The following NRXN2 variants were observed in gnomAD, a reference collection of about 807,000 sequenced individuals.
The protein encoded by NRXN2 is neurexin 2.
A neutral mutation model predicts 128.8 loss-of-function variants in NRXN2; 29 were observed. That is an observed-to-expected ratio of 0.23 (90% CI 0.17 to 0.31). NRXN2 has a LOEUF of 0.31. Among genes scored for constraint, NRXN2 ranks in the 10% least tolerant of loss-of-function variants. NRXN2 has a pLI of 1.00. For missense variants in NRXN2, 1,881 were observed against 2,452.6 expected (o/e 0.77, Z 4.92); for synonymous variants, 1,098 against 1,075.2 (o/e 1.02, Z -0.41).
intron 9 of NRXN2, among the ~76,000 whole-genome samples, chr11:64,662,305 A>AGAG (rs940996023): frequency 1.3e-5 from 2 of 151,854 alleles, no homozygotes; most frequent in East Asian, 1.9e-4. Flanking sequence ...AAGAAAAGGA[A>AGAG]GAGGAGGAGG....
intron 17 of NRXN2, chr11:64,643,316 GC>G: frequency 3.1e-6 from 3 of 973,660 alleles, no homozygotes; most frequent in Non-Finnish European, 3.6e-6. Flanking sequence ...CGCTGCTGCC[GC>G]TGCCGCCCGA....
chr11:64,632,623 C>T lies in NRXN2; in HGVS notation c.3586-2050G>A, dbSNP rs1419973410. 1.3e-5 allele frequency among the ~76,000 whole-genome samples: 2 copies of T among 152,134 alleles called. No individual in the cohort carries two copies. The highest frequency in any genetic ancestry group is 4.8e-5 in the African/African-American group (2 of 41,404). On this transcript the variant is annotated intron_variant, in intron 18 of 22. Coordinates refer to ENST00000265459, the MANE Select transcript of NRXN2 (RefSeq NM_015080.4). The surrounding 1 kb of genome is among the most constrained non-coding windows in gnomAD (Gnocchi z 4.2). ...TCTGAGAGCCAGGCTGGCAGAGTGC[C>T]GGCCAGGGAGCTGGGAGGCAGGACA... is the stretch of plus-strand genomic sequence containing the variant.
intron 1 of NRXN2, among the ~76,000 whole-genome samples, chr11:64,719,106 A>C (rs80144026): frequency 6.6e-6 from 1 of 152,086 alleles, no homozygotes; most frequent in African/African-American, 2.4e-5. Context: ...CTAACGTGTG[A>C]AAAAAAAGTG....
intron 3 of NRXN2, among the ~76,000 whole-genome samples, chr11:64,695,072 C>T (rs2054317463): frequency 6.6e-6 from 1 of 152,188 alleles, no homozygotes; most frequent in Non-Finnish European, 1.5e-5. Context: ...GAAGGGGAGG[C>T]TGGTTCCCTT....
intron 9 of NRXN2, among the ~76,000 whole-genome samples, chr11:64,664,473 C>T (rs1464707284): frequency 7.8e-6 from 1 of 127,722 alleles, no homozygotes; most frequent in African/African-American, 3.5e-5. Context: ...AGCGAAACTC[C>T]GTGTCAAAAA....
intron 17 of NRXN2, among the ~76,000 whole-genome samples, chr11:64,646,178 CCCACCTTGTCTTAGCT>C (rs1470319905): frequency 6.6e-6 from 1 of 152,156 alleles, no homozygotes; most frequent in Admixed American, 6.5e-5. Context: ...CCAGGTTGCA[CCCACCTTGTCTTAGCT>C]CCACAGCTTT....
Position 64,660,642 on chromosome 11 carries a change from G to T in NRXN2, c.2186-107C>A. 1.3e-6 allele frequency: 2 copies of T among 1,589,774 alleles called. No homozygotes were observed. The highest frequency in any genetic ancestry group is 1.7e-6 in the Non-Finnish European group (2 of 1,166,888). On this transcript the variant is annotated intron_variant, in intron 10 of 22. Transcript: ENST00000265459. The surrounding 1 kb of genome is among the most constrained non-coding windows in gnomAD (Gnocchi z 5.2). ...GGCGAAAAGCCTAGGGCAGGTCTAT[G>T]AGGGGTTCCCCTAGGAGGAGGTGGC...
At chr11:64,619,477 C>T (rs890636744) in intron 22 of NRXN2, among the ~76,000 whole-genome samples, 7 of 152,090 alleles carry the variant, frequency 4.6e-5, no homozygotes, top group African/African-American at 1.7e-4. Flanking sequence ...AGGCCACCCC[C>T]GCTTTGCCAG....
intron 14 of NRXN2, 42 bp from the exon 15 acceptor site, chr11:64,650,680 T>C: frequency 2.5e-6 from 4 of 1,590,286 alleles, no homozygotes; most frequent in Non-Finnish European, 3.4e-6. Context: ...AGGGCGGGGG[T>C]GATGCTGGGA....
intron 19 of NRXN2, among the ~76,000 whole-genome samples, chr11:64,629,919 A>G (rs1175947912): frequency 6.6e-6 from 1 of 151,944 alleles, no homozygotes; most frequent in East Asian, 1.9e-4. Context: ...CTTGCTCTTT[A>G]TAAGGACCTC....
intron 2 of NRXN2, among the ~76,000 whole-genome samples, chr11:64,711,184 T>C (rs1362212533): frequency 6.6e-6 from 1 of 152,138 alleles, no homozygotes; most frequent in African/African-American, 2.4e-5. Context: ...AGGACACCTA[T>C]CCCCAAAGCA....
At position 64,667,976 on chromosome 11, in the gene NRXN2, G is replaced by A. The variant is rs2050116651; in HGVS notation, c.1360-288C>T. On this transcript the variant is annotated intron_variant, in intron 8 of 22. Transcript: ENST00000265459. The surrounding 1 kb of genome is among the most constrained non-coding windows in gnomAD (Gnocchi z 5.6). ...AAATTGCAGTTCATAATAATGACAA[G>A]GCCACTGACGTGTGGTAGCTGTTTT... Among the ~76,000 whole-genome samples the A allele has an allele frequency of 6.6e-6, 1 of 152,200 alleles. No individual in the cohort carries two copies. Among genetic ancestry groups the A allele is most frequent in the Admixed American group, 6.5e-5 (1 of 15,278 alleles).
intron 2 of NRXN2, among the ~76,000 whole-genome samples, chr11:64,701,355 A>G (rs2055326711): frequency 6.6e-6 from 1 of 152,142 alleles, no homozygotes; most frequent in African/African-American, 2.4e-5. Context: ...TCCTGTTTCT[A>G]TAATATGCTA....
rs567615068 is a variant in NRXN2 at position 64,612,436 on chromosome 11, C to G, written c.4253-4354G>C. ...AGCATTTGGAAAATACTCACAGGTG[C>G]ACACTTAGCACAGATGCCACCCGCC... is the stretch of plus-strand genomic sequence containing the variant. On this transcript the variant is annotated intron_variant, in intron 22 of 22. Coordinates refer to ENST00000265459, the MANE Select transcript of NRXN2 (RefSeq NM_015080.4). 2.6e-5 allele frequency among the ~76,000 whole-genome samples: 4 copies of G among 152,326 alleles called. No homozygotes were observed. The East Asian group carries it at 7.7e-4, about 29-fold the overall frequency.
In NRXN2 at chr11:64,651,623, T is replaced by C; in HGVS notation, c.2550A>G (p.Gly850=). The change falls in exon 14 of 23, where the codon GGA becomes GGG. Residue 850 remains glycine, a synonymous_variant. Coordinates refer to ENST00000265459, the MANE Select transcript of NRXN2 (RefSeq NM_015080.4). The surrounding 1 kb of genome is among the most constrained non-coding windows in gnomAD (Gnocchi z 5.9). ...DNVTVEGQMA[G]AHMRLEFHNI... ...TGTGGAACTCCAGCCGCATATGGGCTCCTGCCATCTGTCCTGCTCAGGACA... is the reference window on the plus strand; with the variant it reads ...TGTGGAACTCCAGCCGCATATGGGCCCCTGCCATCTGTCCTGCTCAGGACA... The C allele has an allele frequency of 6.2e-7, 1 of 1,613,884 alleles. No individual in the cohort carries two copies. Among genetic ancestry groups the C allele is most frequent in the African/African-American group, 1.3e-5 (1 of 75,002 alleles).
At chr11:64,707,205 A>G (rs1293871923) in intron 2 of NRXN2, among the ~76,000 whole-genome samples, 3 of 152,070 alleles carry the variant, frequency 2.0e-5, no homozygotes, top group Non-Finnish European at 4.4e-5. Flanking sequence ...ATCCTGGCTA[A>G]CATGGTGAAA....
chr11:64,676,966 C>A (rs375741654), intron 7 of NRXN2, 27 bp downstream of exon 7: 1 of 1,607,580 alleles, frequency 6.2e-7, no homozygotes, highest in Non-Finnish European at 8.5e-7. Context: ...GCAAACCAAA[C>A]GGTAAGACAA....
At chr11:64,708,655 G>C (rs1312054951) in intron 2 of NRXN2, among the ~76,000 whole-genome samples, 1 of 152,220 alleles carries the variant, frequency 6.6e-6, no homozygotes, top group Admixed American at 6.5e-5. Context: ...GAGCAGGAGG[G>C]ATTCCAAAGG....
At chr11:64,707,418 T>A (rs1592266844) in intron 2 of NRXN2, among the ~76,000 whole-genome samples, 1 of 148,356 alleles carries the variant, frequency 6.7e-6, no homozygotes, top group African/African-American at 2.5e-5. Context: ...AGTCTAAAGG[T>A]TAGGTACTCA....
Sources: allele counts gnomAD v4.1 joint callset (sites outside exome capture counted in the v4.1 genomes callset), GRCh38; gene constraint gnomAD v4.1.1; non-coding constraint Gnocchi (gnomAD v3.1); transcripts MANE v1.5; gene names NCBI Gene and HGNC (gene_info 2026-07-23, HGNC 2026-07-21).